The following LRRC7 variants were observed in gnomAD, a reference collection of about 807,000 sequenced individuals.
LRRC7 encodes the protein leucine rich repeat containing 7, also known as leucine-rich repeat-containing protein 7.
LRRC7 carries 23 observed loss-of-function variants against 175.7 expected under a neutral mutation model. That is an observed-to-expected ratio of 0.13 (90% confidence interval 0.09 to 0.19). LRRC7 has a LOEUF of 0.19. Among genes scored for constraint, LRRC7 ranks in the 10% least tolerant of loss-of-function variants. The pLI is 1.00. For synonymous variants in LRRC7, 685 were observed against 680.9 expected (o/e 1.01, Z -0.09); for missense variants, 1,354 against 1,904.7 (o/e 0.71, Z 5.38).
intron 7 of LRRC7, among the ~76,000 whole-genome samples, chr1:69,911,520 TGACTG>T (rs1255829842): frequency 7.9e-5 from 12 of 152,214 alleles, no homozygotes; most frequent in African/African-American, 2.9e-4. Flanking sequence ...GTATCTTATC[TGACTG>T]GTTGTTTTGA....
chr1:69,772,974 C>T (rs1208795431), intron 3 of LRRC7, among the ~76,000 whole-genome samples: 1 of 152,092 alleles, frequency 6.6e-6, no homozygotes, highest in Admixed American at 6.5e-5. Flanking sequence ...CGTTGGTTAC[C>T]TTAATAAGAG....
chr1:69,934,782 C>G (rs911631933), intron 8 of LRRC7, among the ~76,000 whole-genome samples: 6 of 152,138 alleles, frequency 3.9e-5, no homozygotes, highest in African/African-American at 1.4e-4. Flanking sequence ...AACATTAACC[C>G]TTAGGATCAT....
intron 1 of LRRC7, among the ~76,000 whole-genome samples, chr1:69,663,793 C>T (rs1657865149): frequency 6.9e-6 from 1 of 144,370 alleles, no homozygotes; most frequent in South Asian, 2.3e-4. Context: ...GCAATCTCAG[C>T]TCACTGCAAG....
chr1:69,650,788 G>A (rs1157079094), intron 1 of LRRC7, among the ~76,000 whole-genome samples: 1 of 149,390 alleles, frequency 6.7e-6, no homozygotes, highest in Non-Finnish European at 1.5e-5. Flanking sequence ...TATACTCTGA[G>A]TGCTTCAAAA....
chr1:69,660,548 T>G (rs148040873), intron 1 of LRRC7, among the ~76,000 whole-genome samples: 2,561 of 152,184 alleles, frequency 0.017, 66 homozygotes, highest in African/African-American at 0.059. Context: ...AGAATGTTGA[T>G]GTAGGAGTGG....
At chr1:70,099,211 AG>A (rs1282756125) in intron 25 of LRRC7, among the ~76,000 whole-genome samples, 1 of 133,984 alleles carries the variant, frequency 7.5e-6, no homozygotes, top group African/African-American at 2.8e-5. Context: ...ACAGAACCAA[AG>A]ACAAAAACCA....
At chr1:70,074,551 G>A (rs1434315726) in intron 23 of LRRC7, among the ~76,000 whole-genome samples, 1 of 152,178 alleles carries the variant, frequency 6.6e-6, no homozygotes, top group Non-Finnish European at 1.5e-5. Flanking sequence ...GACAGAGTTG[G>A]ATTGATAATT....
At chr1:69,732,905 T>C (rs1368629489) in intron 2 of LRRC7, among the ~76,000 whole-genome samples, 1 of 151,910 alleles carries the variant, frequency 6.6e-6, no homozygotes, top group Admixed American at 6.6e-5. Flanking sequence ...CCTGAGAAGG[T>C]GGGAATTAAT....
At chr1:69,909,649 C>G (rs1646456037) in intron 7 of LRRC7, among the ~76,000 whole-genome samples, 1 of 152,164 alleles carries the variant, frequency 6.6e-6, no homozygotes, top group Non-Finnish European at 1.5e-5. Flanking sequence ...CGCTGTTAGT[C>G]TGATGGGCTT....
intron 4 of LRRC7, among the ~76,000 whole-genome samples, chr1:69,798,759 G>A (rs1413728748): frequency 2.0e-5 from 3 of 151,914 alleles, no homozygotes; most frequent in Non-Finnish European, 4.4e-5. Flanking sequence ...CTACCACATT[G>A]TATATATTAT....
intron 4 of LRRC7, among the ~76,000 whole-genome samples, chr1:69,815,129 C>G (rs1021614986): frequency 6.6e-6 from 1 of 152,106 alleles, no homozygotes; most frequent in Non-Finnish European, 1.5e-5. Flanking sequence ...CTGCTGTGAG[C>G]CTTTGCCTTG....
chr1:69,934,137 C>G (rs1647698811), intron 8 of LRRC7, among the ~76,000 whole-genome samples: 1 of 152,102 alleles, frequency 6.6e-6, no homozygotes, highest in African/African-American at 2.4e-5. Flanking sequence ...TAAGAGACCT[C>G]TAGAAACAAT....
Position 69,927,707 on chromosome 1 carries a change from A to T in LRRC7, c.648-3800A>T, listed in dbSNP as rs932703563. On this transcript the variant is annotated intron_variant, in intron 7 of 26. Coordinates refer to ENST00000651989, the MANE Select transcript of LRRC7 (RefSeq NM_001370785.2). ...TATTGGTTATTCTAGTTATACATTC[A>T]TCTAAATTTTTTTCAAAATTTTTAA... 1.2e-4 allele frequency among the ~76,000 whole-genome samples: 19 copies of T among 152,242 alleles called. No homozygotes were observed. The East Asian group carries it at 1.9e-3, about 16-fold the overall frequency.
intron 18 of LRRC7, among the ~76,000 whole-genome samples, chr1:70,035,455 A>G (rs1267573378): frequency 6.6e-6 from 1 of 152,034 alleles, no homozygotes; most frequent in Non-Finnish European, 1.5e-5. Flanking sequence ...ATGAAGATTT[A>G]GTATGCTAGA....
intron 1 of LRRC7, among the ~76,000 whole-genome samples, chr1:69,611,028 G>T (rs565307461): frequency 2.0e-5 from 3 of 151,736 alleles, no homozygotes; most frequent in African/African-American, 7.3e-5. Context: ...TTGCTAAATT[G>T]AATTCAACAA....
intron 8 of LRRC7, among the ~76,000 whole-genome samples, chr1:69,978,054 T>C (rs933874424): frequency 4.6e-5 from 7 of 152,248 alleles, no homozygotes; most frequent in East Asian, 1.9e-4. Flanking sequence ...AAAAAAAGCA[T>C]TGGGAGGCTG....
chr1:69,582,491 T>C (rs781086520), intron 1 of LRRC7, among the ~76,000 whole-genome samples: 1 of 152,160 alleles, frequency 6.6e-6, no homozygotes, highest in Non-Finnish European at 1.5e-5. Context: ...TGAAGTTCAA[T>C]GAAAGCTTCT....
At chr1:69,856,069 C>T (rs1232609939) in intron 7 of LRRC7, among the ~76,000 whole-genome samples, 5 of 152,096 alleles carry the variant, frequency 3.3e-5, no homozygotes, top group Non-Finnish European at 7.4e-5. Flanking sequence ...TGGGTCTTGA[C>T]TCTTTATCCA....
intron 2 of LRRC7, among the ~76,000 whole-genome samples, chr1:69,680,332 G>T (rs2100610805): frequency 6.6e-6 from 1 of 152,138 alleles, no homozygotes; most frequent in East Asian, 1.9e-4. Context: ...TACAAAAGAG[G>T]AATAATCATT....
Sources: allele counts gnomAD v4.1 joint callset (sites outside exome capture counted in the v4.1 genomes callset), GRCh38; gene constraint gnomAD v4.1.1; transcripts MANE v1.5; gene names NCBI Gene and HGNC (gene_info 2026-07-23, HGNC 2026-07-21).